The following ARHGAP32 variants were observed in gnomAD, a reference collection of about 807,000 sequenced individuals.
The protein encoded by ARHGAP32 is Rho GTPase activating protein 32, also known as rho GTPase-activating protein 32.
ARHGAP32 carries 51 observed loss-of-function variants against 186.5 expected under a neutral mutation model. That is an observed-to-expected ratio of 0.27 (90% CI 0.22 to 0.35). The LOEUF (loss-of-function observed/expected upper bound fraction) is 0.35, where lower values mean the gene tolerates loss of function less well. ARHGAP32 is among the 10% of genes least tolerant of loss of function. The pLI, the probability that ARHGAP32 is intolerant of heterozygous loss-of-function variation, is 1.00. For missense variants in ARHGAP32, 2,186 were observed against 2,623.5 expected (o/e 0.83, Z 3.64); for synonymous variants, 950 against 964.3 (o/e 0.99, Z 0.27).
chr11:129,015,729 C>T (rs964091426), intron 11 of ARHGAP32, among the ~76,000 whole-genome samples: 2 of 152,180 alleles, frequency 1.3e-5, no homozygotes, highest in African/African-American at 2.4e-5. Flanking sequence ...GATTTATCCA[C>T]GGCACTTGTG....
intron 1 of ARHGAP32, among the ~76,000 whole-genome samples, chr11:129,173,320 A>G (rs1943813624): frequency 6.6e-6 from 1 of 151,092 alleles, no homozygotes; most frequent in African/African-American, 2.4e-5. Context: ...AGTAATTAAT[A>G]GACCAACCAA....
chr11:129,212,959 G>T (rs965568233), intron 1 of ARHGAP32, among the ~76,000 whole-genome samples: 1 of 149,200 alleles, frequency 6.7e-6, no homozygotes, highest in African/African-American at 2.5e-5. Context: ...AACCTTATTT[G>T]GGCTACCAAA....
intron 1 of ARHGAP32, among the ~76,000 whole-genome samples, chr11:129,170,210 C>CAAA (rs145498329): frequency 2.5e-5 from 3 of 121,810 alleles, no homozygotes; most frequent in Admixed American, 8.6e-5. Flanking sequence ...TTAATTTCTT[C>CAAA]AAAAAAAAAA....
chr11:129,134,664 T>C (rs1377841859), intron 2 of ARHGAP32, among the ~76,000 whole-genome samples: 2 of 152,196 alleles, frequency 1.3e-5, no homozygotes, highest in African/African-American at 4.8e-5. Flanking sequence ...GTTCTGAACA[T>C]CTGTGTTCCA....
At chr11:129,217,398 C>G (rs912001537) in intron 1 of ARHGAP32, among the ~76,000 whole-genome samples, 1 of 152,148 alleles carries the variant, frequency 6.6e-6, no homozygotes, top group Non-Finnish European at 1.5e-5. Context: ...ATAGGTCACC[C>G]TGGGGCCATG....
Position 128,972,481 on chromosome 11 carries a change from G to A in ARHGAP32, c.4025C>T (p.Thr1342Ile). 1 of 1,521,968 alleles carries A rather than the reference G, an allele frequency of 6.6e-7. No individual in the cohort carries two copies. The highest frequency in any genetic ancestry group is 8.8e-7 in the Non-Finnish European group (1 of 1,136,170). 94.3% of individuals were successfully genotyped at this position (1,521,968 alleles called of 1,614,324 possible). A position where few individuals can be genotyped will look rare whatever the true frequency, so the allele number is the denominator to read the frequency against. ...PPVVGQVQAATNIGLNNSHKV... is the reference protein window; with the variant it reads ...PPVVGQVQAAINIGLNNSHKV... ...GTGGGAATTATTTAATCCTATATTG[G>A]TTGCTGCTTGTACCTGCCCCACAAC... Residue 1342 changes from threonine to isoleucine, a missense_variant, in exon 22 of 23, where the codon ACC becomes ATC. Around this residue, in one of 5 missense-constraint regions of ARHGAP32, gnomAD observed 1,502 missense variants for 1,570.0 expected, o/e 0.96. Coordinates refer to ENST00000682385, the MANE Select transcript of ARHGAP32 (RefSeq NM_001378024.1).
rs10537340 is a variant in ARHGAP32, at chr11:129,249,318, C to CAT, written c.-5+29826_-5+29827dup. Among the ~76,000 whole-genome samples, 290 of 151,392 alleles carry CAT rather than the reference C, an allele frequency of 1.9e-3. 3 individuals are homozygous for CAT. Among genetic ancestry groups the CAT allele is most frequent in the South Asian group, 0.019 (89 of 4,778 alleles). ...TGTATTAAAAAAAGTAATACTCATA[C>CAT]ATATATATATATACACACACACATA... On this transcript the variant is annotated intron_variant, in intron 1 of 6. Transcript: ENST00000525234.
At chr11:129,249,201 G>A (rs1945145114) in intron 1 of ARHGAP32, among the ~76,000 whole-genome samples, 1 of 151,660 alleles carries the variant, frequency 6.6e-6, no homozygotes, top group African/African-American at 2.4e-5. Flanking sequence ...AGACACTACT[G>A]AGACACACCA....
At chr11:129,138,742 T>G (rs1942988854) in intron 2 of ARHGAP32, among the ~76,000 whole-genome samples, 1 of 152,170 alleles carries the variant, frequency 6.6e-6, no homozygotes, top group African/African-American at 2.4e-5. Context: ...TTCAAAACAC[T>G]ATAAACTCCA....
chr11:129,172,571 G>T (rs1212534722), intron 1 of ARHGAP32, among the ~76,000 whole-genome samples: 1 of 152,110 alleles, frequency 6.6e-6, no homozygotes, highest in Non-Finnish European at 1.5e-5. Context: ...AAATGCAAAA[G>T]AACTAACTTC....
intron 1 of ARHGAP32, among the ~76,000 whole-genome samples, chr11:129,278,377 TCTC>T (rs1945560280): frequency 6.6e-6 from 1 of 152,150 alleles, no homozygotes; most frequent in African/African-American, 2.4e-5. Flanking sequence ...TCTGCTTGGG[TCTC>T]CTCCTTCCTT....
intron 17 of ARHGAP32, 123 bp from the exon 18 acceptor site, chr11:128,980,871 T>C (rs992143739): frequency 7.2e-6 from 5 of 694,910 alleles, no homozygotes; most frequent in Non-Finnish European, 9.3e-6. Flanking sequence ...GTATGTTAAA[T>C]AGCAAAAACC....
At chr11:129,232,272 T>TAAAGC (rs1344467353) in intron 1 of ARHGAP32, among the ~76,000 whole-genome samples, 1 of 152,158 alleles carries the variant, frequency 6.6e-6, no homozygotes, top group African/African-American at 2.4e-5. Context: ...GAAACAGGCA[T>TAAAGC]AAAGCACTTT....
At chr11:129,197,721 T>C (rs1358351222) in intron 1 of ARHGAP32, among the ~76,000 whole-genome samples, 1 of 152,204 alleles carries the variant, frequency 6.6e-6, no homozygotes, top group East Asian at 1.9e-4. Flanking sequence ...ATATATATAA[T>C]GTAAAAATGT....
At chr11:129,007,541 A>G (rs1202956176) in intron 11 of ARHGAP32, among the ~76,000 whole-genome samples, 1 of 151,980 alleles carries the variant, frequency 6.6e-6, no homozygotes, top group East Asian at 1.9e-4. Flanking sequence ...TGGGGGCCTC[A>G]CAACTCTCAC....
At chr11:129,079,946 G>T (rs1204740673) in intron 6 of ARHGAP32, among the ~76,000 whole-genome samples, 1 of 151,868 alleles carries the variant, frequency 6.6e-6, no homozygotes, top group Non-Finnish European at 1.5e-5. Flanking sequence ...GTGAGCAGGA[G>T]TAGCTATTCT....
intron 1 of ARHGAP32, among the ~76,000 whole-genome samples, chr11:129,222,876 C>T (rs142892199): frequency 2.0e-5 from 3 of 152,014 alleles, no homozygotes; most frequent in Admixed American, 6.6e-5. Context: ...ATGCTGTATT[C>T]TGGGGGTAGA....
intron 1 of ARHGAP32, among the ~76,000 whole-genome samples, chr11:129,186,694 A>C (rs751113503): frequency 7.9e-5 from 12 of 152,200 alleles, no homozygotes; most frequent in Non-Finnish European, 1.8e-4. Flanking sequence ...CGATTTAAAA[A>C]TGGGCAAAAG....
chr11:129,163,798 T>TA (rs1943577547), intron 2 of ARHGAP32, among the ~76,000 whole-genome samples: 1 of 152,106 alleles, frequency 6.6e-6, no homozygotes, highest in African/African-American at 2.4e-5. Flanking sequence ...TCACTAAGCA[T>TA]AAAAAGCAAA....
Sources: gnomAD v4.1 joint callset for allele counts (sites outside exome capture counted in the v4.1 genomes callset) on GRCh38, gnomAD v4.1.1 for gene constraint, gnomAD v4.1.1 regional missense constraint, MANE v1.5 for transcripts, NCBI Gene and HGNC (gene_info 2026-07-23, HGNC 2026-07-21) for gene names.